MYSM1: variants seen among roughly 807,000 people sequenced by gnomAD.
The protein encoded by MYSM1 is Myb like, SWIRM and MPN domains 1, also known as deubiquitinase MYSM1.
Under a neutral mutation model 116.0 loss-of-function variants are expected in MYSM1, and 51 were observed. The observed-to-expected ratio is 0.44, with a 90% CI of 0.35 to 0.56. MYSM1 has a LOEUF of 0.56. Among genes scored for constraint, MYSM1 ranks in the 20% least tolerant of loss-of-function variants. MYSM1 has a pLI of 0.00. For missense variants in MYSM1, 900 were observed against 974.9 expected (o/e 0.92, Z 1.02); for synonymous variants, 313 against 315.2 (o/e 0.99, Z 0.07).
chr1:58,662,462 C>CCTT (rs11431098), intron 17 of MYSM1, among the ~76,000 whole-genome samples: 1 of 109,188 alleles, frequency 9.2e-6, no homozygotes, highest in African/African-American at 3.3e-5. Context: ...TCACCCCCCC[C>CCTT]TTTTTTTTTT....
intron 1 of MYSM1, among the ~76,000 whole-genome samples, chr1:58,698,102 A>ATATATATTTTTTTTTTTTTTTTTT: frequency 1.3e-4 from 1 of 7,770 alleles, no homozygotes; most frequent in African/African-American, 2.6e-4. Flanking sequence ...ATATATATAT[A>ATATATATTTTTTTTTTTTTTTTTT]TTTTTTTTTT....
At chr1:58,694,493 C>G (rs946979014) in intron 2 of MYSM1, among the ~76,000 whole-genome samples, 1 of 151,986 alleles carries the variant, frequency 6.6e-6, no homozygotes, top group Non-Finnish European at 1.5e-5. Context: ...GGGTGGCACA[C>G]GCCTGTAGTC....
At chr1:58,663,246 C>T (rs895326350) in intron 17 of MYSM1, among the ~76,000 whole-genome samples, 3 of 152,144 alleles carry the variant, frequency 2.0e-5, no homozygotes, top group Non-Finnish European at 4.4e-5. Flanking sequence ...TGAAAACATA[C>T]ACACAAATTA....
chr1:58,678,199 T>C (rs688158), intron 8 of MYSM1, among the ~76,000 whole-genome samples: 8,777 of 152,116 alleles, frequency 0.058, 794 homozygotes, highest in African/African-American at 0.2. Context: ...AGGCTAGGCC[T>C]CACTAAGCAG....
intron 9 of MYSM1, among the ~76,000 whole-genome samples, chr1:58,675,844 G>A (rs1041019665): frequency 2.0e-5 from 3 of 152,096 alleles, no homozygotes; most frequent in African/African-American, 7.2e-5. Context: ...TTTTCTTTTG[G>A]TGGCTGAGGA....
At chr1:58,679,509 T>C (rs1374508739) in intron 8 of MYSM1, among the ~76,000 whole-genome samples, 3 of 152,134 alleles carry the variant, frequency 2.0e-5, no homozygotes, top group African/African-American at 4.8e-5. Context: ...CCCAGGCTAG[T>C]GTACAGTGGC....
chr1:58,667,071 G>C lies in MYSM1; in HGVS notation c.1998C>G (p.Ser666=). The C allele has an allele frequency of 6.2e-7, 1 of 1,611,918 alleles. No individual in the cohort carries two copies. Residue 666 remains serine, a synonymous_variant, in exon 16 of 20, where the codon TCC becomes TCG. Transcript: ENST00000472487. ...TAGCTTGTGTGTCAATATCTCGTAA[G>C]GAAGGATTAGGATCAAAAGCAGGAT... ...HSHPAFDPNP[S]LRDIDTQAKY...
intron 10 of MYSM1, among the ~76,000 whole-genome samples, chr1:58,674,859 G>A (rs1644622484): frequency 6.6e-6 from 1 of 151,222 alleles, no homozygotes; most frequent in Non-Finnish European, 1.5e-5. Flanking sequence ...CCCGGGAGAT[G>A]GAGCTTGCAG....
chr1:58,698,102 A>ATATATATTTTTTTTT, intron 1 of MYSM1, among the ~76,000 whole-genome samples: 1 of 7,776 alleles, frequency 1.3e-4, no homozygotes, highest in African/African-American at 2.6e-4. Context: ...ATATATATAT[A>ATATATATTTTTTTTT]TTTTTTTTTT....
chr1:58,674,511 CTAAA>C (rs1644613602), intron 10 of MYSM1, among the ~76,000 whole-genome samples: 1 of 152,100 alleles, frequency 6.6e-6, no homozygotes, highest in South Asian at 2.1e-4. Context: ...GGTTTATAGC[CTAAA>C]TACTCTGAGA....
intron 17 of MYSM1, among the ~76,000 whole-genome samples, chr1:58,663,778 T>C (rs1050985476): frequency 2.6e-5 from 4 of 152,216 alleles, no homozygotes; most frequent in African/African-American, 9.6e-5. Context: ...CTTTCTGTTC[T>C]CTTGGGGCTC....
chr1:58,696,261 A>T (rs1644972691), intron 1 of MYSM1, among the ~76,000 whole-genome samples: 1 of 152,210 alleles, frequency 6.6e-6, no homozygotes, highest in Admixed American at 6.5e-5. Flanking sequence ...AGAAAATAGA[A>T]CCACTATCAT....
chr1:58,686,216 A>G (rs116468906), intron 6 of MYSM1, among the ~76,000 whole-genome samples: 2,919 of 147,996 alleles, frequency 0.02, 85 homozygotes, highest in African/African-American at 0.068. Flanking sequence ...CTGTGGAGGG[A>G]AAAAAAAAAA....
intron 9 of MYSM1, 59 bp from the exon 10 acceptor site, chr1:58,675,639 C>G (rs1557514059): frequency 7.8e-7 from 1 of 1,283,234 alleles, no homozygotes; most frequent in East Asian, 2.4e-5. Flanking sequence ...ATTTGTTAAA[C>G]AGTAAGACAC....
chr1:58,690,343 T>C lies in MYSM1; in HGVS notation c.293A>G (p.Lys98Arg). Residue 98 changes from lysine to arginine, a missense_variant, in exon 4 of 20, where the codon AAG becomes AGG. This residue lies in a region of MYSM1 where 622 missense variants were observed against 623.7 expected (regional missense o/e 1.00). Coordinates refer to ENST00000472487, the MANE Select transcript of MYSM1 (RefSeq NM_001085487.3). ...DQKEDDKKYM[K>R]SLQKTAKIMV... ...AAATATTATAAATTGATTTTACCTC[T>C]TCATGTATTTTTTATCATCTTCCTT... The C allele has an allele frequency of 6.2e-7, 1 of 1,602,584 alleles. No homozygotes were observed. The highest frequency in any genetic ancestry group is 8.5e-7 in the Non-Finnish European group (1 of 1,174,860).
chr1:58,673,079 C>T (rs950551859), intron 11 of MYSM1, among the ~76,000 whole-genome samples: 2 of 152,122 alleles, frequency 1.3e-5, no homozygotes, highest in South Asian at 2.1e-4. Context: ...ATTCACAATT[C>T]GTAAGTTAAA....
rs768822048 is a variant in MYSM1, at chr1:58,667,235, G to A, written c.1843-9C>T. On this transcript the variant is annotated splice_polypyrimidine_tract_variant and intron_variant, in intron 15 of 19. Coordinates refer to ENST00000472487, the MANE Select transcript of MYSM1 (RefSeq NM_001085487.3). ...GGTTCTGCTGCACAGACCTATAAAC[G>A]ATTGATCCTCAAATGATTATACTAA... The A allele has an allele frequency of 1.0e-5, 15 of 1,497,616 alleles. No homozygotes were observed. The highest frequency in any genetic ancestry group is 1.3e-5 in the Non-Finnish European group (14 of 1,115,006). The allele number at this position is 1,497,616 out of a possible 1,614,324, so 92.8% of individuals were successfully genotyped here.
rs753879352 is a variant in MYSM1 at position 58,661,389 on chromosome 1, C to T, written c.2270+17G>A. The T allele has an allele frequency of 2.0e-6, 3 of 1,478,432 alleles. No homozygotes were observed. In the East Asian group the frequency reaches 6.8e-5, roughly 33 times the overall value. 91.6% of individuals were successfully genotyped at this position (1,478,432 alleles called of 1,614,324 possible). ...CAACACTGCAGATGTGCAACCATCTCAAACCACAGTACATACCTATGGGAG... is the reference window on the plus strand; with the variant it reads ...CAACACTGCAGATGTGCAACCATCTTAAACCACAGTACATACCTATGGGAG... On this transcript the variant is annotated intron_variant, in intron 18 of 19. Transcript: ENST00000472487.
intron 8 of MYSM1, among the ~76,000 whole-genome samples, chr1:58,677,828 T>C (rs898672792): frequency 1.3e-5 from 2 of 152,112 alleles, no homozygotes; most frequent in African/African-American, 4.8e-5. Context: ...TTATTAATAT[T>C]ATTCTCATTT....
Sources: allele counts gnomAD v4.1 joint callset (sites outside exome capture counted in the v4.1 genomes callset), GRCh38; gene constraint gnomAD v4.1.1; regional missense constraint gnomAD v4.1.1; transcripts MANE v1.5; gene names NCBI Gene and HGNC (gene_info 2026-07-23, HGNC 2026-07-21).